FBXO34: variants seen among roughly 807,000 people sequenced by gnomAD.
FBXO34 encodes the protein F-box protein 34.
Under a neutral mutation model 24.5 loss-of-function variants are expected in FBXO34, and 12 were observed. The observed-to-expected ratio is 0.49, with a 90% confidence interval of 0.31 to 0.79. The LOEUF is 0.79. Ranked by LOEUF, FBXO34 falls within the 30% of genes least tolerant of loss-of-function variation. The pLI is 0.04. For missense variants in FBXO34, 823 were observed against 857.7 expected, an observed-to-expected ratio of 0.96 and a Z score of 0.51; for synonymous variants, 320 against 311.9, an observed-to-expected ratio of 1.03 and a Z score of -0.27.
intron 1 of FBXO34, among the ~76,000 whole-genome samples, chr14:55,306,831 T>TGAAAACAAAA (rs55968722): frequency 6.6e-6 from 1 of 151,006 alleles, no homozygotes; most frequent in South Asian, 2.1e-4. Context: ...AGACTCCATC[T>TGAAAACAAAA]CAAAACAAAA....
At chr14:55,294,748 G>T (rs1882063274) in intron 1 of FBXO34, among the ~76,000 whole-genome samples, 1 of 152,176 alleles carries the variant, frequency 6.6e-6, no homozygotes, top group Admixed American at 6.5e-5. Context: ...TTTAAGAACT[G>T]TATATTCTGT....
the FBXO34 span, among the ~76,000 whole-genome samples, chr14:55,410,021 G>C: frequency 6.6e-6 from 1 of 152,138 alleles, no homozygotes; most frequent in Admixed American, 6.5e-5. Context: ...AGAGTAGATG[G>C]GATTTGTTGA....
chr14:55,364,488 G>T (rs967610475), downstream of FBXO34, among the ~76,000 whole-genome samples: 1 of 151,934 alleles, frequency 6.6e-6, no homozygotes, highest in African/African-American at 2.4e-5. Flanking sequence ...GCAGTGGTAC[G>T]ATCTTGGATC....
chr14:55,390,562 G>A, the FBXO34 span, among the ~76,000 whole-genome samples: 12 of 151,872 alleles, frequency 7.9e-5, no homozygotes, highest in Admixed American at 7.9e-4. Flanking sequence ...TAGTAGAGAC[G>A]GAGTTTCACC....
the FBXO34 span, among the ~76,000 whole-genome samples, chr14:55,416,822 C>A: frequency 6.6e-6 from 1 of 152,168 alleles, no homozygotes; most frequent in Non-Finnish European, 1.5e-5. Flanking sequence ...CCCAAAATCC[C>A]CAAAACCAAG....
intron 1 of FBXO34, among the ~76,000 whole-genome samples, chr14:55,288,598 A>G (rs1490362707): frequency 6.6e-6 from 1 of 152,220 alleles, no homozygotes; most frequent in Non-Finnish European, 1.5e-5. Context: ...AGACTTTCAA[A>G]TGATCCTACT....
At chr14:55,382,883 TACTG>T in the FBXO34 span, among the ~76,000 whole-genome samples, 1 of 152,156 alleles carries the variant, frequency 6.6e-6, no homozygotes, top group Non-Finnish European at 1.5e-5. Context: ...GAATTAGAAA[TACTG>T]AGAAAAATAT....
At chr14:55,380,978 G>T in the FBXO34 span, among the ~76,000 whole-genome samples, 1 of 149,688 alleles carries the variant, frequency 6.7e-6, no homozygotes. Flanking sequence ...ACCTGATAAC[G>T]TAATATCAAA....
intron 1 of FBXO34, among the ~76,000 whole-genome samples, chr14:55,321,586 G>C (rs2140023608): frequency 6.6e-6 from 1 of 152,136 alleles, no homozygotes; most frequent in East Asian, 1.9e-4. Flanking sequence ...TTGTAGAGAT[G>C]GGATTTCACC....
chr14:55,298,708 G>A (rs914389524), intron 1 of FBXO34: 14 of 1,570,378 alleles, frequency 8.9e-6, no homozygotes, highest in Non-Finnish European at 1.1e-5. Flanking sequence ...GCCATCCAGC[G>A]GCTGCGGGAC....
chr14:55,377,380 G>A, the FBXO34 span, among the ~76,000 whole-genome samples: 40 of 151,998 alleles, frequency 2.6e-4, no homozygotes, highest in Admixed American at 5.2e-4. Context: ...TTGTTACGAC[G>A]GACAAGGAGT....
Position 55,332,390 on chromosome 14 carries a change from C to T in FBXO34, c.-10-17991C>T, listed in dbSNP as rs927108107. Reference sequence around the variant, plus strand: ...CAAAGTGTCGTTATGTAAAAATGAACTGATTTTTAAAAGGTCTGCCTAAGT... The same window carrying T: ...CAAAGTGTCGTTATGTAAAAATGAATTGATTTTTAAAAGGTCTGCCTAAGT... On this transcript the variant is annotated intron_variant, in intron 1 of 1. Coordinates refer to ENST00000313833, the MANE Select transcript of FBXO34 (RefSeq NM_017943.4). 2.0e-5 allele frequency among the ~76,000 whole-genome samples: 3 copies of T among 152,100 alleles called. 1 individual carries two copies. Among genetic ancestry groups the T allele is most frequent in the Middle Eastern group, 6.3e-3 (2 of 316 alleles).
chr14:55,412,606 T>G, the FBXO34 span, among the ~76,000 whole-genome samples: 1 of 152,038 alleles, frequency 6.6e-6, no homozygotes, highest in Non-Finnish European at 1.5e-5. Context: ...CATATCAGAG[T>G]AATTAGTGTT....
chr14:55,412,013 G>GGGGAGAGTTATATTA, the FBXO34 span, among the ~76,000 whole-genome samples: 1 of 152,354 alleles, frequency 6.6e-6, no homozygotes, highest in East Asian at 1.9e-4. Flanking sequence ...CCCGAAGCAG[G>GGGGAGAGTTATATTA]GGGAGAGTTA....
At chr14:55,411,300 G>T in the FBXO34 span, among the ~76,000 whole-genome samples, 1 of 152,250 alleles carries the variant, frequency 6.6e-6, no homozygotes, top group Non-Finnish European at 1.5e-5. Flanking sequence ...CTTAATGGCA[G>T]CAACGGGAAA....
chr14:55,328,692 A>T (rs909300627), intron 1 of FBXO34, among the ~76,000 whole-genome samples: 6 of 152,174 alleles, frequency 3.9e-5, no homozygotes, highest in African/African-American at 1.4e-4. Flanking sequence ...TCCTGGAGAG[A>T]GGTTTGGGTT....
intron 1 of FBXO34, among the ~76,000 whole-genome samples, chr14:55,344,094 G>T (rs1412327216): frequency 1.3e-5 from 2 of 152,142 alleles, no homozygotes; most frequent in Admixed American, 6.5e-5. Context: ...ACCTGGAAAG[G>T]ATTTAAGCTG....
At chr14:55,302,383 TAGAC>T (rs978127103) in intron 1 of FBXO34, among the ~76,000 whole-genome samples, 5 of 152,180 alleles carry the variant, frequency 3.3e-5, no homozygotes, top group African/African-American at 1.2e-4. Context: ...TGTATGATGT[TAGAC>T]AGTTAATAGA....
At chr14:55,438,556 T>TCCCTTC in the FBXO34 span, among the ~76,000 whole-genome samples, 32 of 152,242 alleles carry the variant, frequency 2.1e-4, no homozygotes, top group East Asian at 1.5e-3. Flanking sequence ...AGTCAGTGTC[T>TCCCTTC]CCCTTCCCCT....
Sources: gnomAD v4.1 joint callset for allele counts (sites outside exome capture counted in the v4.1 genomes callset) on GRCh38, gnomAD v4.1.1 for gene constraint, MANE v1.5 for transcripts, NCBI Gene and HGNC (gene_info 2026-07-23, HGNC 2026-07-21) for gene names.